The following EPHA6 variants were observed in gnomAD, a reference collection of about 807,000 sequenced individuals.
EPHA6 encodes ephrin type-A receptor 6.
EPHA6 carries 50 observed loss-of-function variants against 112.0 expected under a neutral mutation model. The ratio of observed to expected loss-of-function variants is 0.45; its 90% CI spans 0.36 to 0.56. The LOEUF (loss-of-function observed/expected upper bound fraction) is 0.56, where lower values mean the gene tolerates loss of function less well. Ranked by LOEUF, EPHA6 falls within the 20% of genes least tolerant of loss-of-function variation. The probability of loss-of-function intolerance (pLI) is 0.00; values close to 1 mark genes in which losing one functional copy is unlikely to be tolerated. For synonymous variants in EPHA6, 529 were observed against 490.7 expected (o/e 1.08, Z -1.03); for missense variants, 1,280 against 1,417.4 (o/e 0.90, Z 1.56).
intron 14 of EPHA6, among the ~76,000 whole-genome samples, chr3:97,670,929 G>T (rs979843598): frequency 6.6e-6 from 1 of 152,066 alleles, no homozygotes; most frequent in African/African-American, 2.4e-5. Context: ...TTCACTCATC[G>T]GATCTAGGAG....
Position 96,815,055 on chromosome 3 carries a change from G to T in EPHA6, c.385+47G>T, listed in dbSNP as rs570952271. ...CGGGAGTGGGTGGGAGGAGGAGGGT[G>T]CTTGGAGAACCAGGGTACTGGTTGC... On this transcript the variant is annotated intron_variant, in intron 1 of 17. Coordinates refer to ENST00000389672, the MANE Select transcript of EPHA6 (RefSeq NM_001080448.3). 56 of 1,459,704 alleles carry T rather than the reference G, an allele frequency of 3.8e-5. No individual in the cohort carries two copies. The South Asian group carries it at 7.7e-4, about 20-fold the overall frequency. The allele number at this position is 1,459,704 out of a possible 1,614,324, so 90.4% of individuals were successfully genotyped here.
chr3:97,703,565 C>T (rs1440020088), intron 14 of EPHA6, among the ~76,000 whole-genome samples: 1 of 152,128 alleles, frequency 6.6e-6, no homozygotes, highest in Admixed American at 6.5e-5. Flanking sequence ...TTCCAGCCAA[C>T]ATTGGCTGTA....
At chr3:97,598,534 T>C (rs1326530860) in intron 12 of EPHA6, among the ~76,000 whole-genome samples, 116 of 150,676 alleles carry the variant, frequency 7.7e-4, no homozygotes, top group Non-Finnish European at 1.3e-3. Flanking sequence ...TTTGTTCTTG[T>C]GATAGTTTAC....
At chr3:97,477,163 G>A (rs2091396660) in intron 8 of EPHA6, among the ~76,000 whole-genome samples, 1 of 152,050 alleles carries the variant, frequency 6.6e-6, no homozygotes, top group Non-Finnish European at 1.5e-5. Context: ...TTTTATAGAG[G>A]ACAGAAAGCA....
chr3:97,397,671 A>C (rs1237416576), intron 5 of EPHA6, among the ~76,000 whole-genome samples: 2 of 151,728 alleles, frequency 1.3e-5, no homozygotes, highest in African/African-American at 2.4e-5. Context: ...TTTCTTAATA[A>C]AAATTTAACA....
At chr3:97,255,172 G>GTGTGTT (rs1254024129) in intron 5 of EPHA6, among the ~76,000 whole-genome samples, 2 of 150,742 alleles carry the variant, frequency 1.3e-5, no homozygotes, top group East Asian at 1.9e-4. Flanking sequence ...GTGTGTGTGT[G>GTGTGTT]TGTGTGTGTT....
intron 6 of EPHA6, among the ~76,000 whole-genome samples, chr3:97,425,146 A>G (rs2089004426): frequency 1.3e-5 from 2 of 152,152 alleles, no homozygotes; most frequent in Non-Finnish European, 2.9e-5. Flanking sequence ...GCATGATGCA[A>G]GCTGTCCGTG....
chr3:97,604,561 T>A (rs1247672699), intron 12 of EPHA6, among the ~76,000 whole-genome samples: 1 of 151,728 alleles, frequency 6.6e-6, no homozygotes, highest in Non-Finnish European at 1.5e-5. Flanking sequence ...CAGATACCTA[T>A]GCACAAAAGG....
chr3:97,363,228 ATATATATAT>A (rs2084497377), intron 5 of EPHA6, among the ~76,000 whole-genome samples: 9 of 76,314 alleles, frequency 1.2e-4, no homozygotes, highest in Admixed American at 2.7e-4. Context: ...ATATATATAT[ATATATATAT>A]AAATCTCAGA....
At chr3:97,361,180 G>A (rs934947114) in intron 5 of EPHA6, among the ~76,000 whole-genome samples, 9 of 152,158 alleles carry the variant, frequency 5.9e-5, no homozygotes, top group Non-Finnish European at 7.3e-5. Context: ...CTAGGCAGCC[G>A]GCCTCATTAA....
At chr3:97,185,131 A>G (rs1334171971) in intron 3 of EPHA6, among the ~76,000 whole-genome samples, 2 of 152,288 alleles carry the variant, frequency 1.3e-5, no homozygotes, top group South Asian at 2.1e-4. Flanking sequence ...AACCTAGGCA[A>G]TACCATTCAG....
intron 2 of EPHA6, among the ~76,000 whole-genome samples, chr3:96,946,810 A>G (rs1390759505): frequency 2.6e-5 from 4 of 152,070 alleles, no homozygotes; most frequent in Admixed American, 6.6e-5. Flanking sequence ...AAGTGTTCCT[A>G]TTTCTCCACA....
chr3:97,531,878 C>T (rs911740772), intron 10 of EPHA6, among the ~76,000 whole-genome samples: 1 of 152,076 alleles, frequency 6.6e-6, no homozygotes, highest in East Asian at 1.9e-4. Context: ...TTTTTCAATA[C>T]GTTCATACAT....
chr3:97,653,570 AC>A (rs1259788454), intron 14 of EPHA6, among the ~76,000 whole-genome samples: 6 of 151,988 alleles, frequency 3.9e-5, no homozygotes, highest in African/African-American at 1.2e-4. Context: ...GTAAATTGGT[AC>A]AGCTATCATG....
At chr3:96,899,523 A>G (rs1054813189) in intron 2 of EPHA6, among the ~76,000 whole-genome samples, 13 of 152,230 alleles carry the variant, frequency 8.5e-5, no homozygotes, top group Admixed American at 1.3e-4. Flanking sequence ...TCAAATATGT[A>G]GACTAATTCA....
At chr3:96,819,535 A>G (rs1196147592) in intron 1 of EPHA6, among the ~76,000 whole-genome samples, 1 of 152,080 alleles carries the variant, frequency 6.6e-6, no homozygotes, top group African/African-American at 2.4e-5. Context: ...CACACTGTTC[A>G]TCAACCAAAT....
intron 3 of EPHA6, among the ~76,000 whole-genome samples, chr3:97,049,542 C>T (rs1294634110): frequency 1.3e-5 from 2 of 152,168 alleles, no homozygotes; most frequent in Non-Finnish European, 2.9e-5. Flanking sequence ...TTTTACAAGT[C>T]ATCTTCACCC....
At chr3:97,534,234 C>T (rs2092730678) in intron 11 of EPHA6, among the ~76,000 whole-genome samples, 1 of 152,138 alleles carries the variant, frequency 6.6e-6, no homozygotes, top group Admixed American at 6.6e-5. Flanking sequence ...TTGTAAACCA[C>T]ATTCAATAAT....
intron 9 of EPHA6, chr3:97,481,258 A>C (rs1472541052): frequency 6.8e-7 from 1 of 1,462,856 alleles, no homozygotes; most frequent in African/African-American, 1.4e-5. Flanking sequence ...GTACATAACC[A>C]GGAATTGAAT....
Sources: gnomAD v4.1 joint callset for allele counts (sites outside exome capture counted in the v4.1 genomes callset) on GRCh38, gnomAD v4.1.1 for gene constraint, MANE v1.5 for transcripts, NCBI Gene and HGNC (gene_info 2026-07-23, HGNC 2026-07-21) for gene names.